Variants in ZSCAN5A observed in about 807,000 individuals in gnomAD.
ZSCAN5A encodes the protein zinc finger and SCAN domain containing 5A, also known as zinc finger and SCAN domain-containing protein 5A.
A neutral mutation model predicts 23.7 loss-of-function variants in ZSCAN5A; 12 were observed. The observed-to-expected ratio is 0.51, with a 90% confidence interval of 0.32 to 0.82. ZSCAN5A has a LOEUF of 0.82. Ranked by LOEUF, ZSCAN5A falls within the 40% of genes least tolerant of loss-of-function variation. The pLI is 0.03. For synonymous variants in ZSCAN5A, 257 were observed against 239.9 expected, an observed-to-expected ratio of 1.07 and a Z score of -0.66; for missense variants, 597 against 617.9, an observed-to-expected ratio of 0.97 and a Z score of 0.36.
At chr19:56,304,469 C>T (rs1417618347) in intron 2 of ZSCAN5A, among the ~76,000 whole-genome samples, 2 of 152,178 alleles carry the variant, frequency 1.3e-5, no homozygotes, top group Admixed American at 6.5e-5. Context: ...ACCTGCCATA[C>T]GGCCCAGGAC....
At chr19:56,255,903 T>TA in intron 2 of ZSCAN5A, among the ~76,000 whole-genome samples, 1 of 152,152 alleles carries the variant, frequency 6.6e-6, no homozygotes, top group East Asian at 1.9e-4. Flanking sequence ...AGGGCTTATT[T>TA]AAAAAACAGT....
chr19:56,260,456 C>T (rs557683989), intron 2 of ZSCAN5A, among the ~76,000 whole-genome samples: 55 of 152,050 alleles, frequency 3.6e-4, no homozygotes, highest in Middle Eastern at 3.4e-3. Flanking sequence ...TCAGGTGATC[C>T]GCCCGCCTCG....
chr19:56,225,016 G>C lies in ZSCAN5A; in HGVS notation c.31C>G (p.Leu11Val), dbSNP rs368670022. The change falls in exon 3 of 6, where the codon CTA becomes GTA. Residue 11 changes from leucine (L) to valine (V), a missense_variant. Leu to Val is a conservative substitution (Grantham distance 32). Coordinates refer to ENST00000683990, the MANE Select transcript of ZSCAN5A (RefSeq NM_001322064.3). The part of the protein sequence containing the change: MAANCTSSWS[L>V]GESCNRPGLE... ...CCAGGTCTGTTGCAGGATTCTCCTA[G>C]ACTCCATGAGGATGTGCAATTTGCA... 1.0e-4 allele frequency: 161 copies of C among 1,610,656 alleles called. No homozygotes were observed. Among genetic ancestry groups the C allele is most frequent in the Non-Finnish European group, 1.3e-4 (157 of 1,177,920 alleles).
chr19:56,328,090 C>G (rs2041452976), intron 2 of ZSCAN5A, among the ~76,000 whole-genome samples: 1 of 152,044 alleles, frequency 6.6e-6, no homozygotes, highest in African/African-American at 2.4e-5. Context: ...GGGAGTAGCA[C>G]AGTGAAGGGA....
chr19:56,281,786 G>C, intron 2 of ZSCAN5A: 2 of 779,106 alleles, frequency 2.6e-6, no homozygotes, highest in South Asian at 1.2e-4. Context: ...AGGCAAAACT[G>C]CTGACGATCA....
At chr19:56,333,589 T>C (rs1361216700) in intron 2 of ZSCAN5A, among the ~76,000 whole-genome samples, 1 of 152,134 alleles carries the variant, frequency 6.6e-6, no homozygotes, top group Non-Finnish European at 1.5e-5. Context: ...GCCTTGGGTG[T>C]TGCTGAGCTT....
chr19:56,265,574 T>C (rs1260588410), intron 2 of ZSCAN5A, among the ~76,000 whole-genome samples: 2 of 151,616 alleles, frequency 1.3e-5, no homozygotes, highest in Non-Finnish European at 2.9e-5. Context: ...TGGGTTCCAG[T>C]GGCAGAAACG....
At chr19:56,342,728 T>G in intron 2 of ZSCAN5A, 1 of 669,684 alleles carries the variant, frequency 1.5e-6, no homozygotes, top group Non-Finnish European at 2.8e-6. Context: ...ATTATATCTG[T>G]GTCCTCCCTG....
chr19:56,309,797 T>C (rs1239496525), intron 2 of ZSCAN5A, among the ~76,000 whole-genome samples: 1 of 152,096 alleles, frequency 6.6e-6, no homozygotes, highest in Non-Finnish European at 1.5e-5. Context: ...AGTGAGGAAC[T>C]GGAGGGGGCG....
At chr19:56,362,592 G>A (rs773559128) in intron 2 of ZSCAN5A, among the ~76,000 whole-genome samples, 7 of 152,184 alleles carry the variant, frequency 4.6e-5, no homozygotes, top group East Asian at 3.9e-4. Flanking sequence ...AAAGATGGCC[G>A]GACGCGGTGG....
intron 2 of ZSCAN5A, among the ~76,000 whole-genome samples, chr19:56,307,452 T>A (rs191725740): frequency 1.3e-5 from 2 of 152,358 alleles, no homozygotes; most frequent in East Asian, 3.9e-4. Context: ...AATTCTAAGT[T>A]GCTTTTCATT....
chr19:56,343,542 T>G, intron 2 of ZSCAN5A: 1 of 374,604 alleles, frequency 2.7e-6, no homozygotes, highest in Non-Finnish European at 5.2e-6. Flanking sequence ...CATTGACGGC[T>G]CACAACAACC....
chr19:56,228,399 T>C (rs555574441), intron 2 of ZSCAN5A: 417 of 985,312 alleles, frequency 4.2e-4, no homozygotes, highest in African/African-American at 2.1e-3. Context: ...TTTAGGGCCA[T>C]AGAGTCCATT....
chr19:56,316,171 G>A (rs150450992), upstream of ZSCAN5A: 2,414 of 152,322 alleles, frequency 0.016, 30 homozygotes, highest in Middle Eastern at 0.031. Flanking sequence ...CTGAGACTCC[G>A]CACGTGAAAA....
rs775056297 is a variant in ZSCAN5A at position 56,222,160 on chromosome 19, T to C, written c.906A>G (p.Pro302=). The C allele has an allele frequency of 5.6e-6, 9 of 1,614,004 alleles. No homozygotes were observed. The African/African-American group carries it at 9.3e-5, about 17-fold the overall frequency. The change falls in exon 6 of 6, where the codon CCA becomes CCG. Residue 302 remains proline, a synonymous_variant. Transcript: ENST00000683990. ...LNLSSPKRSK[P]DASSISQEEP... is the part of the protein sequence containing the mutation. ...CTTCTTGGGAAATGGAGGAGGCATCTGGTTTGCTTCTTTTGGGACTGCTCA... is the reference window on the plus strand; with the variant it reads ...CTTCTTGGGAAATGGAGGAGGCATCCGGTTTGCTTCTTTTGGGACTGCTCA...
chr19:56,319,498 G>GAAA (rs57164685), upstream of ZSCAN5A, among the ~76,000 whole-genome samples: 9 of 78,412 alleles, frequency 1.1e-4, no homozygotes, highest in Admixed American at 1.9e-4. Context: ...TCCATCTCGG[G>GAAA]AAAAAAAAAA....
At chr19:56,333,816 G>A (rs1011845377) in intron 2 of ZSCAN5A, among the ~76,000 whole-genome samples, 9 of 151,810 alleles carry the variant, frequency 5.9e-5, no homozygotes, top group African/African-American at 2.2e-4. Flanking sequence ...CATACTGTAT[G>A]CTCACACCTT....
intron 2 of ZSCAN5A, among the ~76,000 whole-genome samples, chr19:56,259,358 C>T (rs1248182741): frequency 6.6e-6 from 1 of 152,174 alleles, no homozygotes; most frequent in East Asian, 1.9e-4. Flanking sequence ...GCTACCGCGC[C>T]TGGCTGCACC....
At chr19:56,318,786 G>A (rs1269099430), upstream of ZSCAN5A, among the ~76,000 whole-genome samples, 1 of 152,206 alleles carries the variant, frequency 6.6e-6, no homozygotes, top group Non-Finnish European at 1.5e-5. Flanking sequence ...TGAAGCAGAA[G>A]AGGGATCACG....
Sources: gnomAD v4.1 joint callset for allele counts (sites outside exome capture counted in the v4.1 genomes callset) on GRCh38, gnomAD v4.1.1 for gene constraint, MANE v1.5 for transcripts, NCBI Gene and HGNC (gene_info 2026-07-23, HGNC 2026-07-21) for gene names.